SLC35F2: variants seen among roughly 807,000 people sequenced by gnomAD.
SLC35F2 encodes queuine/queuosine transporter SLC35F2.
A neutral mutation model predicts 38.1 loss-of-function variants in SLC35F2; 25 were observed. That is an observed-to-expected ratio of 0.66 (90% CI 0.48 to 0.92). The LOEUF (loss-of-function observed/expected upper bound fraction) is 0.92, where lower values mean the gene tolerates loss of function less well. Ranked by LOEUF, SLC35F2 falls within the 40% of genes least tolerant of loss-of-function variation. The probability of loss-of-function intolerance (pLI) is 0.00; values close to 1 mark genes in which losing one functional copy is unlikely to be tolerated. For missense variants in SLC35F2, 409 were observed against 452.9 expected (o/e 0.90, Z 0.88); for synonymous variants, 173 against 181.7 (o/e 0.95, Z 0.38).
chr11:107,816,481 T>C (rs1859576373), intron 1 of SLC35F2, among the ~76,000 whole-genome samples: 2 of 131,724 alleles, frequency 1.5e-5, no homozygotes, highest in South Asian at 2.4e-4. Context: ...GAGATGGGGT[T>C]TCACTATGTT....
chr11:107,815,650 A>T, intron 2 of SLC35F2, 140 bp downstream of exon 2: 1 of 935,540 alleles, frequency 1.1e-6, no homozygotes, highest in Non-Finnish European at 1.6e-6. Flanking sequence ...GTATGGTGCT[A>T]CTTACTTTAA....
At chr11:107,844,306 T>C (rs963625381) in intron 1 of SLC35F2, among the ~76,000 whole-genome samples, 1 of 152,116 alleles carries the variant, frequency 6.6e-6, no homozygotes, top group African/African-American at 2.4e-5. Flanking sequence ...GCACTAGCCA[T>C]TATAGTATTA....
At chr11:107,804,815 T>A in intron 5 of SLC35F2, 45 bp from the exon 6 acceptor site, 1 of 1,488,770 alleles carries the variant, frequency 6.7e-7, no homozygotes. Context: ...CATACTAATT[T>A]TCACTATTTT....
chr11:107,830,580 T>A (rs1859823367), intron 1 of SLC35F2, among the ~76,000 whole-genome samples: 2 of 100,252 alleles, frequency 2.0e-5, no homozygotes, highest in African/African-American at 4.5e-5. Flanking sequence ...CAAGACTCAG[T>A]CTCAAAAAAA....
chr11:107,854,234 C>A (rs1392166270), intron 1 of SLC35F2, among the ~76,000 whole-genome samples: 6 of 151,294 alleles, frequency 4.0e-5, no homozygotes, highest in African/African-American at 1.5e-4. Context: ...GAGTTTGAGA[C>A]CAGCCTGGGC....
At position 107,793,177 on chromosome 11, in the gene SLC35F2, A is replaced by C. The variant is rs72999545; in HGVS notation, c.940-377T>G. 4.9e-3 allele frequency among the ~76,000 whole-genome samples: 744 copies of C among 152,326 alleles called. 1 individual carries two copies. Among genetic ancestry groups the C allele is most frequent in the Non-Finnish European group, 8.5e-3 (581 of 68,034 alleles). On this transcript the variant is annotated intron_variant, in intron 7 of 7. Coordinates refer to ENST00000525815, the MANE Select transcript of SLC35F2 (RefSeq NM_017515.5). ...AGCAATCCGCCCGCCTCAGGCTCCC[A>C]AAGTGCGGGGGATTACAGGCGTGGG...
chr11:107,806,851 A>C lies in SLC35F2; in HGVS notation c.440T>G (p.Val147Gly). The C allele has an allele frequency of 6.2e-7, 1 of 1,614,070 alleles. No homozygotes were observed. The highest frequency in any genetic ancestry group is 8.5e-7 in the Non-Finnish European group (1 of 1,179,958). Residue 147 changes from valine (V) to glycine (G), a missense_variant, in exon 4 of 8, where the codon GTG becomes GGG. By Grantham distance (109) the Val-to-Gly change is moderately radical. Coordinates refer to ENST00000525815, the MANE Select transcript of SLC35F2 (RefSeq NM_017515.5). ...AATAAACCATGACAGAGCCATCAAC[A>C]CAGGAATCCCAAAGCAATCCAAAAG... ...VQLLDCFGIPVLMALSWFILH... is the reference protein window; with the variant it reads ...VQLLDCFGIPGLMALSWFILH...
At chr11:107,822,399 C>T (rs548349628) in intron 1 of SLC35F2, among the ~76,000 whole-genome samples, 54 of 152,172 alleles carry the variant, frequency 3.5e-4, no homozygotes, top group Non-Finnish European at 5.6e-4. Context: ...TTTACATCTT[C>T]AGTCAGTAAG....
At chr11:107,820,244 G>C (rs561505462) in intron 1 of SLC35F2, among the ~76,000 whole-genome samples, 3 of 136,864 alleles carry the variant, frequency 2.2e-5, no homozygotes, top group East Asian at 2.0e-4. Flanking sequence ...AAAAGAGTGA[G>C]AGTTTGCCCA....
chr11:107,817,569 G>A (rs1304163700), intron 1 of SLC35F2, among the ~76,000 whole-genome samples: 1 of 152,044 alleles, frequency 6.6e-6, no homozygotes, highest in African/African-American at 2.4e-5. Context: ...TTCGGTGGCT[G>A]GTTCCTCTCT....
chr11:107,799,965 T>C (rs1369405725), intron 7 of SLC35F2, among the ~76,000 whole-genome samples: 2 of 151,864 alleles, frequency 1.3e-5, no homozygotes, highest in Non-Finnish European at 2.9e-5. Flanking sequence ...CTCGGCTTAT[T>C]GCAAGCTCTG....
intron 1 of SLC35F2, among the ~76,000 whole-genome samples, chr11:107,836,098 G>T (rs575378240): frequency 8.8e-4 from 134 of 152,234 alleles, no homozygotes; most frequent in Non-Finnish European, 1.3e-3. Context: ...TCTAATCTGT[G>T]GTATAACCTA....
chr11:107,810,088 A>G, intron 3 of SLC35F2: 1 of 985,282 alleles, frequency 1.0e-6, no homozygotes, highest in African/African-American at 1.7e-5. Flanking sequence ...ATCCTTTTGG[A>G]CTACCCAGGC....
chr11:107,811,860 G>C, intron 2 of SLC35F2, 66 bp from the exon 3 acceptor site: 3 of 1,397,388 alleles, frequency 2.1e-6, no homozygotes, highest in Non-Finnish European at 9.8e-7. Flanking sequence ...TTGATTTGAA[G>C]ATAAAAGAGT....
intron 1 of SLC35F2, among the ~76,000 whole-genome samples, chr11:107,817,508 G>A (rs997430282): frequency 2.0e-5 from 3 of 151,970 alleles, no homozygotes; most frequent in African/African-American, 7.3e-5. Context: ...TGCAGCAGGA[G>A]TGATGTTCTG....
chr11:107,804,011 T>C (rs946467441), intron 6 of SLC35F2, among the ~76,000 whole-genome samples: 5 of 136,362 alleles, frequency 3.7e-5, no homozygotes, highest in African/African-American at 5.4e-5. Flanking sequence ...TTTTTTTTTG[T>C]ATTTTTAGTA....
Position 107,803,032 on chromosome 11 carries a change from AG to A in SLC35F2, c.907del (p.Leu303PhefsTer58). On this transcript the variant is annotated frameshift_variant, in exon 7 of 8. Transcript: ENST00000525815. LOFTEE classifies it high-confidence loss of function. Reference protein sequence around the residue: ...LGILTADLYSLFVGLFLFGYK... With the variant: ...LGILTADLYSXFVGLFLFGYK... ...GCCAAACAGAAAGAGTCCAACAAAA[AG>A]GCTGTAGAGGTCCGCTGTCAGGATG... is the stretch of plus-strand genomic sequence containing the variant. 6.2e-7 allele frequency: 1 copy of A among 1,612,908 alleles called. No individual in the cohort carries two copies. The highest frequency in any genetic ancestry group is 1.1e-5 in the South Asian group (1 of 90,798).
chr11:107,799,950 G>A (rs1228664379), intron 7 of SLC35F2, among the ~76,000 whole-genome samples: 3 of 151,488 alleles, frequency 2.0e-5, no homozygotes, highest in East Asian at 3.9e-4. Flanking sequence ...GTGCAGTGGC[G>A]TGATCTCGGC....
At chr11:107,816,240 T>C in intron 1 of SLC35F2, 2 of 984,696 alleles carry the variant, frequency 2.0e-6, no homozygotes, top group Non-Finnish European at 2.4e-6. Flanking sequence ...ATTACTCAGC[T>C]ATAACATATA....
Sources: gnomAD v4.1 joint callset for allele counts (sites outside exome capture counted in the v4.1 genomes callset) on GRCh38, gnomAD v4.1.1 for gene constraint, MANE v1.5 for transcripts, NCBI Gene and HGNC (gene_info 2026-07-23, HGNC 2026-07-21) for gene names.